TMEM38B: variants seen among roughly 807,000 people sequenced by gnomAD.
TMEM38B encodes trimeric intracellular cation channel type B.
Under a neutral mutation model 28.7 loss-of-function variants are expected in TMEM38B, and 24 were observed. The observed-to-expected ratio is 0.84, with a 90% CI of 0.61 to 1.18. TMEM38B has a LOEUF of 1.18. TMEM38B is among the 50% of genes most tolerant of loss of function. The probability of loss-of-function intolerance (pLI) is 0.00; values close to 1 mark genes in which losing one functional copy is unlikely to be tolerated. For missense variants in TMEM38B, 380 were observed against 350.9 expected (o/e 1.08, Z -0.66); for synonymous variants, 131 against 127.7 (o/e 1.03, Z -0.17).
chr9:105,711,332 T>C (rs1196648371), intron 2 of TMEM38B, among the ~76,000 whole-genome samples: 2 of 151,906 alleles, frequency 1.3e-5, no homozygotes, highest in Non-Finnish European at 2.9e-5. Flanking sequence ...TCCCAGCTAC[T>C]TGGGAGGCTG....
At chr9:105,713,317 C>T (rs1387610331) in intron 2 of TMEM38B, among the ~76,000 whole-genome samples, 1 of 152,242 alleles carries the variant, frequency 6.6e-6, no homozygotes, top group African/African-American at 2.4e-5. Flanking sequence ...CCAGGCATAC[C>T]TGCACTCTTG....
chr9:105,756,725 A>T (rs187379503), intron 5 of TMEM38B, among the ~76,000 whole-genome samples: 44 of 152,300 alleles, frequency 2.9e-4, no homozygotes, highest in African/African-American at 9.1e-4. Flanking sequence ...AAAGATATTT[A>T]AAAATAGGAA....
At chr9:105,701,296 CCAGTCTTCAGACCCGGTCAGTGTAATGT>C (rs936999760) in intron 1 of TMEM38B, 5 of 152,118 alleles carry the variant, frequency 3.3e-5, no homozygotes, top group Non-Finnish European at 7.4e-5. Flanking sequence ...TTGCTACTTG[CCAGTCTTCAGACCCGGTCAGTGTAATGT>C]CATCAGTGCA....
chr9:105,719,625 G>A (rs1253519839), intron 2 of TMEM38B, among the ~76,000 whole-genome samples: 3 of 152,106 alleles, frequency 2.0e-5, no homozygotes, highest in African/African-American at 4.8e-5. Context: ...TTAACTTATT[G>A]TAGGTGTGCT....
At chr9:105,757,610 G>T (rs563213099) in intron 5 of TMEM38B, among the ~76,000 whole-genome samples, 54 of 152,274 alleles carry the variant, frequency 3.5e-4, no homozygotes, top group African/African-American at 1.2e-3. Context: ...AAAAAACACT[G>T]AGAAGTGTGG....
chr9:105,703,877 C>T (rs1252034992), intron 1 of TMEM38B, among the ~76,000 whole-genome samples: 2 of 151,836 alleles, frequency 1.3e-5, no homozygotes, highest in African/African-American at 4.9e-5. Context: ...TGTCCTTCGC[C>T]CACTTTTTGA....
intron 4 of TMEM38B, among the ~76,000 whole-genome samples, chr9:105,747,008 G>GTT: frequency 6.6e-6 from 1 of 152,296 alleles, no homozygotes; most frequent in South Asian, 2.1e-4. Context: ...TTGCATCGAT[G>GTT]TTCATCAGGG....
chr9:105,700,097 T>G (rs1588381380), intron 1 of TMEM38B, among the ~76,000 whole-genome samples: 1 of 152,314 alleles, frequency 6.6e-6, no homozygotes, highest in East Asian at 1.9e-4. Context: ...ACACAAAATG[T>G]ATTGTTTTAC....
chr9:105,759,345 G>A, intron 5 of TMEM38B: 1 of 1,086,088 alleles, frequency 9.2e-7, no homozygotes, highest in Admixed American at 1.9e-5. Context: ...CAAATCAATG[G>A]AGTGCCTTCT....
chr9:105,755,721 T>A (rs745440321), intron 5 of TMEM38B, among the ~76,000 whole-genome samples: 16 of 152,224 alleles, frequency 1.1e-4, no homozygotes, highest in Non-Finnish European at 2.1e-4. Context: ...AGTTGGGCCA[T>A]CTTTGTTTTC....
chr9:105,751,844 C>A (rs951891755), intron 5 of TMEM38B, among the ~76,000 whole-genome samples: 1 of 151,470 alleles, frequency 6.6e-6, no homozygotes, highest in Non-Finnish European at 1.5e-5. Context: ...CAGACTGCTT[C>A]TTTAAGCAGG....
chr9:105,694,922 C>T, intron 1 of TMEM38B, 150 bp downstream of exon 1: 1 of 679,678 alleles, frequency 1.5e-6, no homozygotes, highest in Non-Finnish European at 2.5e-6. Flanking sequence ...CGCCAAGGGC[C>T]GGTTGGTCTG....
intron 4 of TMEM38B, among the ~76,000 whole-genome samples, chr9:105,747,181 A>T (rs1466453239): frequency 1.3e-5 from 2 of 152,206 alleles, no homozygotes; most frequent in Non-Finnish European, 2.9e-5. Context: ...CTCTGGTAGA[A>T]TTTGGCTGTG....
intron 1 of TMEM38B, among the ~76,000 whole-genome samples, chr9:105,703,654 A>G (rs557194328): frequency 6.6e-6 from 1 of 152,068 alleles, no homozygotes; most frequent in African/African-American, 2.4e-5. Flanking sequence ...ACTAGTTTAC[A>G]GTCCCACCAA....
At chr9:105,736,737 A>G (rs964915691) in intron 4 of TMEM38B, among the ~76,000 whole-genome samples, 7 of 152,184 alleles carry the variant, frequency 4.6e-5, no homozygotes, top group African/African-American at 1.7e-4. Context: ...CACCTCTTCC[A>G]AACTTTACAT....
In TMEM38B at chr9:105,759,448, A is replaced by G. The variant is rs185454766; in HGVS notation, c.660+11258A>G. The G allele has an allele frequency of 2.6e-4, 407 of 1,563,876 alleles. 1 individual carries two copies. In the African/African-American group the frequency reaches 5.1e-3, roughly 20 times the overall value. ...AGGATTTCAAGAAAGATGTGCTAAG[A>G]AAATGCAGCTAGTTAATTTAAGAAA... On this transcript the variant is annotated intron_variant, in intron 5 of 5. Transcript: ENST00000374692.
intron 2 of TMEM38B, among the ~76,000 whole-genome samples, chr9:105,719,831 T>C (rs997747278): frequency 2.6e-5 from 4 of 152,126 alleles, no homozygotes; most frequent in African/African-American, 9.6e-5. Flanking sequence ...GTTGTTTTTC[T>C]GAATATTTTA....
chr9:105,745,710 T>C (rs1837363767), intron 4 of TMEM38B, among the ~76,000 whole-genome samples: 1 of 152,232 alleles, frequency 6.6e-6, no homozygotes, highest in Non-Finnish European at 1.5e-5. Context: ...CTAGGATTTT[T>C]ATGGTTTTAG....
intron 5 of TMEM38B, among the ~76,000 whole-genome samples, chr9:105,762,739 G>T (rs996634230): frequency 2.2e-4 from 32 of 147,972 alleles, no homozygotes; most frequent in South Asian, 4.3e-4. Flanking sequence ...TGTCTTTATA[G>T]CAGCATGATT....
Sources: gnomAD v4.1 joint callset for allele counts (sites outside exome capture counted in the v4.1 genomes callset) on GRCh38, gnomAD v4.1.1 for gene constraint, MANE v1.5 for transcripts, NCBI Gene and HGNC (gene_info 2026-07-23, HGNC 2026-07-21) for gene names.